The following DISC1 variants were observed in gnomAD, a reference collection of about 807,000 sequenced individuals.
The protein encoded by DISC1 is disrupted in schizophrenia 1 protein.
Under a neutral mutation model 84.5 loss-of-function variants are expected in DISC1, and 57 were observed. The observed-to-expected ratio is 0.67, with a 90% CI of 0.55 to 0.84. The LOEUF (loss-of-function observed/expected upper bound fraction) is 0.84. DISC1 is among the 40% of genes least tolerant of loss of function. The pLI is 0.00. For missense variants in DISC1, 1,000 were observed against 1,057.8 expected (o/e 0.95, Z 0.76); for synonymous variants, 411 against 415.2 (o/e 0.99, Z 0.12).
intron 3 of DISC1, among the ~76,000 whole-genome samples, chr1:231,735,852 G>A (rs537389308): frequency 6.6e-6 from 1 of 152,206 alleles, no homozygotes; most frequent in East Asian, 1.9e-4. Context: ...TGGCTCTGTT[G>A]CCCAGGCTGG....
chr1:232,034,001 C>G (rs1670289757), intron 12 of DISC1, among the ~76,000 whole-genome samples: 1 of 152,104 alleles, frequency 6.6e-6, no homozygotes, highest in African/African-American at 2.4e-5. Flanking sequence ...TTCCCCCACC[C>G]CATTCTGCAT....
At chr1:232,036,527 G>A (rs1174326241) in intron 12 of DISC1, among the ~76,000 whole-genome samples, 165 bp from the exon 13 acceptor site, 2 of 152,202 alleles carry the variant, frequency 1.3e-5, no homozygotes, top group Non-Finnish European at 1.5e-5. Flanking sequence ...ATATAAAAGT[G>A]TAAAGTTTAT....
At chr1:232,003,114 G>T (rs1395566531) in intron 10 of DISC1, among the ~76,000 whole-genome samples, 1 of 151,970 alleles carries the variant, frequency 6.6e-6, no homozygotes, top group African/African-American at 2.4e-5. Context: ...GAAAGACTTG[G>T]CTAAAATCAA....
chr1:231,824,878 C>G (rs1483811502), intron 9 of DISC1, among the ~76,000 whole-genome samples: 2 of 80,996 alleles, frequency 2.5e-5, no homozygotes, highest in African/African-American at 8.4e-5. Context: ...GCATTTCTAT[C>G]CATCCATCCA....
intron 1 of DISC1, among the ~76,000 whole-genome samples, chr1:231,635,088 C>T (rs1320362212): frequency 1.3e-5 from 2 of 152,006 alleles, no homozygotes; most frequent in Non-Finnish European, 1.5e-5. Flanking sequence ...TGTGTCTTCC[C>T]AGTTCTGATA....
chr1:231,864,177 T>TC (rs1455298143), intron 9 of DISC1, among the ~76,000 whole-genome samples: 5 of 152,238 alleles, frequency 3.3e-5, no homozygotes, highest in African/African-American at 1.2e-4. Flanking sequence ...TTGCAATTTT[T>TC]CATTATTCTC....
At chr1:231,918,952 G>A (rs4658963) in intron 9 of DISC1, among the ~76,000 whole-genome samples, 120,269 of 152,206 alleles carry the variant, frequency 0.79, 47,874 homozygotes, top group East Asian at 0.91. Context: ...CATTCCCTAT[G>A]CAATAGAGTT....
At chr1:231,728,354 G>A (rs1170251283) in intron 3 of DISC1, among the ~76,000 whole-genome samples, 1 of 152,168 alleles carries the variant, frequency 6.6e-6, no homozygotes, top group Non-Finnish European at 1.5e-5. Flanking sequence ...CACACAGTGC[G>A]GTAGATGTTC....
At position 231,696,902 on chromosome 1, in the gene DISC1, T is replaced by C. The variant is rs148344712; in HGVS notation, c.1047+2097T>C. On this transcript the variant is annotated intron_variant, in intron 2 of 12. Coordinates refer to ENST00000439617, the MANE Select transcript of DISC1 (RefSeq NM_018662.3). ...CTAATAATGCATTTCTCAGAATGCA[T>C]CCCTGTCATTAAGTAACGCTAGGCT... 3.3e-5 allele frequency among the ~76,000 whole-genome samples: 5 copies of C among 152,316 alleles called. No individual in the cohort carries two copies. The East Asian group carries it at 9.6e-4, about 29-fold the overall frequency.
rs770728178 is a variant in DISC1 at position 231,750,067 on chromosome 1, C to T, written c.1259C>T (p.Ala420Val). ...AQVQAALRRG[A>V]TQQASGDDTH... ...GTCCAGGCTGCCTTGCGCCGTGGGG[C>T]CACTCAGCAGTGAGTACTTGTTATT... Residue 420 changes from alanine (A) to valine (V), a missense_variant, in exon 4 of 13, where the codon GCC becomes GTC. Around this residue, in one of 3 missense-constraint regions of DISC1, gnomAD observed 311 missense variants for 400.1 expected, o/e 0.78. Coordinates refer to ENST00000439617, the MANE Select transcript of DISC1 (RefSeq NM_018662.3). The T allele has an allele frequency of 7.4e-6, 12 of 1,613,948 alleles. No homozygotes were observed. The highest frequency in any genetic ancestry group is 9.3e-6 in the Non-Finnish European group (11 of 1,179,914).
intron 12 of DISC1, 61 bp downstream of exon 12, chr1:232,026,613 AAGGGT>A: frequency 7.4e-7 from 1 of 1,344,454 alleles, no homozygotes; most frequent in Non-Finnish European, 1.0e-6. Context: ...AGAGTCTTTA[AAGGGT>A]AGTTTTTCAT....
chr1:231,907,120 T>TTCCCTCCC (rs1228366389), intron 9 of DISC1, among the ~76,000 whole-genome samples: 1 of 32,628 alleles, frequency 3.1e-5, no homozygotes, highest in Non-Finnish European at 6.1e-5. Context: ...CCTTCCTTCC[T>TTCCCTCCC]TCCTTCCTTC....
intron 1 of DISC1, among the ~76,000 whole-genome samples, chr1:231,657,556 A>T (rs923283635): frequency 6.6e-6 from 1 of 152,142 alleles, no homozygotes; most frequent in East Asian, 1.9e-4. Context: ...ATCTTTGTCC[A>T]TGCCTATGTC....
intron 11 of DISC1, among the ~76,000 whole-genome samples, chr1:232,011,076 C>T (rs140697005): frequency 3.5e-4 from 54 of 152,268 alleles, no homozygotes; most frequent in African/African-American, 1.2e-3. Context: ...TTTCTCCCTC[C>T]TTCTCTGCCC....
intron 9 of DISC1, among the ~76,000 whole-genome samples, chr1:231,846,357 C>T (rs552974260): frequency 1.3e-5 from 2 of 152,334 alleles, no homozygotes; most frequent in African/African-American, 4.8e-5. Flanking sequence ...CCTTGGAATG[C>T]GGGCAGCATC....
chr1:232,031,009 A>G lies in DISC1; in HGVS notation c.2425+4457A>G, dbSNP rs1302331004. ...ACACCTGTAGTCCCAGCTACTCCAG[A>G]GGCGTGAGAATTGCTTGAACCCAGG... On this transcript the variant is annotated intron_variant, in intron 12 of 12. Transcript: ENST00000439617. This position sits in a 1 kb window ranked among gnomAD's most constrained non-coding sequence, Gnocchi z 4.6. Among the ~76,000 whole-genome samples the G allele has an allele frequency of 6.6e-6, 1 of 152,044 alleles. No homozygotes were observed. Among genetic ancestry groups the G allele is most frequent in the African/African-American group, 2.4e-5 (1 of 41,382 alleles).
chr1:231,922,096 A>C (rs1371067149), intron 9 of DISC1, among the ~76,000 whole-genome samples: 3 of 152,156 alleles, frequency 2.0e-5, no homozygotes, highest in African/African-American at 7.2e-5. Flanking sequence ...AATTTGGGTG[A>C]ATCCTGATTC....
chr1:231,889,084 A>G (rs11805247), intron 9 of DISC1, among the ~76,000 whole-genome samples: 168 of 152,282 alleles, frequency 1.1e-3, no homozygotes, highest in African/African-American at 3.8e-3. Context: ...GCAGAAGAAG[A>G]CACTCTCAGA....
intron 4 of DISC1, among the ~76,000 whole-genome samples, chr1:231,758,135 T>A (rs184145726): frequency 2.6e-4 from 39 of 152,194 alleles, no homozygotes; most frequent in African/African-American, 8.9e-4. Flanking sequence ...GTTCCATTTG[T>A]CCGTGTGGTG....
Sources: allele counts gnomAD v4.1 joint callset (sites outside exome capture counted in the v4.1 genomes callset), GRCh38; gene constraint gnomAD v4.1.1; regional missense constraint gnomAD v4.1.1; non-coding constraint Gnocchi (gnomAD v3.1); transcripts MANE v1.5; gene names NCBI Gene and HGNC (gene_info 2026-07-23, HGNC 2026-07-21).